Variants in TIAM1 observed in about 807,000 individuals in gnomAD.
The protein encoded by TIAM1 is TIAM Rac1 associated GEF 1, also known as rho guanine nucleotide exchange factor TIAM1.
TIAM1 carries 65 observed loss-of-function variants against 163.5 expected under a neutral mutation model. The ratio of observed to expected loss-of-function variants is 0.40; its 90% CI spans 0.33 to 0.49. TIAM1 has a LOEUF of 0.49. TIAM1 is among the 20% of genes least tolerant of loss of function. The pLI, the probability that TIAM1 is intolerant of heterozygous loss-of-function variation, is 0.77. For missense variants in TIAM1, 1,789 were observed against 2,044.7 expected, an observed-to-expected ratio of 0.87 and a Z score of 2.41; for synonymous variants, 833 against 810.1, an observed-to-expected ratio of 1.03 and a Z score of -0.48.
intron 8 of TIAM1, 96 bp from the exon 9 acceptor site, chr21:31,217,795 C>G: frequency 2.0e-6 from 3 of 1,473,188 alleles, no homozygotes; most frequent in Non-Finnish European, 2.7e-6. Flanking sequence ...TCAAAAAACC[C>G]TCCTCCATCA....
At chr21:31,482,939 A>G (rs2046162700) in intron 1 of TIAM1, among the ~76,000 whole-genome samples, 1 of 152,160 alleles carries the variant, frequency 6.6e-6, no homozygotes, top group Non-Finnish European at 1.5e-5. Flanking sequence ...AATCATGGTC[A>G]CACTGGTAAT....
chr21:31,366,123 G>C (rs1041622058), intron 2 of TIAM1, among the ~76,000 whole-genome samples: 4 of 147,490 alleles, frequency 2.7e-5, no homozygotes, highest in African/African-American at 7.5e-5. Context: ...TGACTTGAAA[G>C]GCAATCCACC....
chr21:31,127,662 C>T (rs757285276), intron 25 of TIAM1, among the ~76,000 whole-genome samples: 12 of 152,106 alleles, frequency 7.9e-5, no homozygotes, highest in Non-Finnish European at 1.5e-4. Context: ...ATGATCCACC[C>T]GCCTCGGCCT....
chr21:31,475,689 C>A (rs1297643040), intron 1 of TIAM1, among the ~76,000 whole-genome samples: 1 of 152,194 alleles, frequency 6.6e-6, no homozygotes, highest in Non-Finnish European at 1.5e-5. Flanking sequence ...CCAAGGCACA[C>A]CCATGTGGCC....
chr21:31,316,486 A>G (rs975130376), intron 2 of TIAM1, among the ~76,000 whole-genome samples: 1 of 152,220 alleles, frequency 6.6e-6, no homozygotes, highest in Admixed American at 6.5e-5. Context: ...TTGAAAGACC[A>G]TTAAAACACT....
At chr21:31,354,121 G>A (rs1208374872) in intron 2 of TIAM1, among the ~76,000 whole-genome samples, 2 of 151,924 alleles carry the variant, frequency 1.3e-5, no homozygotes, top group Non-Finnish European at 1.5e-5. Context: ...ATAGGTGTGA[G>A]CCACCATGCC....
intron 2 of TIAM1, among the ~76,000 whole-genome samples, chr21:31,387,551 C>T (rs184691394): frequency 3.4e-4 from 52 of 151,876 alleles, no homozygotes; most frequent in Non-Finnish European, 6.0e-4. Flanking sequence ...GGATGGTGTG[C>T]AGGGACACTG....
chr21:31,218,228 T>C (rs1337333363), intron 8 of TIAM1, among the ~76,000 whole-genome samples: 1 of 152,192 alleles, frequency 6.6e-6, no homozygotes, highest in African/African-American at 2.4e-5. Context: ...AGACGAGTGA[T>C]CATTGGCCCC....
intron 15 of TIAM1, among the ~76,000 whole-genome samples, chr21:31,178,303 C>CTTTTTTT (rs10671534): frequency 3.0e-4 from 29 of 96,158 alleles, no homozygotes; most frequent in East Asian, 1.1e-3. Context: ...TTCAGGAATT[C>CTTTTTTT]TTTTTTTTTT....
chr21:31,268,516 T>C (rs1054836783), intron 3 of TIAM1, among the ~76,000 whole-genome samples: 3 of 152,212 alleles, frequency 2.0e-5, no homozygotes, highest in African/African-American at 7.2e-5. Context: ...CCATTGAATG[T>C]TCCAGTGAGT....
At position 31,252,208 on chromosome 21, in the gene TIAM1, G is replaced by A; in HGVS notation, c.964-19C>T. 1 of 1,593,472 alleles carries A rather than the reference G, an allele frequency of 6.3e-7. No homozygotes were observed. The highest frequency in any genetic ancestry group is 8.5e-7 in the Non-Finnish European group (1 of 1,174,754). Reference sequence around the variant, plus strand: ...TAACATCCTTGGGAGCAGAAAGAGAGAGCAAAGAAGACAAGCGTCACGTGG... The same window carrying A: ...TAACATCCTTGGGAGCAGAAAGAGAAAGCAAAGAAGACAAGCGTCACGTGG... On this transcript the variant is annotated intron_variant, in intron 4 of 27. Coordinates refer to ENST00000541036, the MANE Select transcript of TIAM1 (RefSeq NM_001353694.2).
At chr21:31,442,066 A>AAAAAAAAAATATAT (rs1202451553) in intron 2 of TIAM1, among the ~76,000 whole-genome samples, 1 of 18,782 alleles carries the variant, frequency 5.3e-5, no homozygotes, top group African/African-American at 2.4e-4. Flanking sequence ...AGAACAAATA[A>AAAAAAAAAATATAT]ATAAATATAT....
intron 4 of TIAM1, among the ~76,000 whole-genome samples, chr21:31,259,629 AAAT>A (rs61401734): frequency 3.7e-4 from 54 of 146,254 alleles, no homozygotes; most frequent in East Asian, 1.2e-3. Context: ...TAAAAAAATA[AAAT>A]AATAATAATA....
At chr21:31,448,189 C>T (rs1297943049) in intron 2 of TIAM1, among the ~76,000 whole-genome samples, 1 of 152,182 alleles carries the variant, frequency 6.6e-6, no homozygotes. Context: ...CAAGCTGACA[C>T]ACAAAATTAA....
At chr21:31,182,326 A>T in intron 15 of TIAM1, 95 bp downstream of exon 15, 1 of 1,034,204 alleles carries the variant, frequency 9.7e-7, no homozygotes, top group Non-Finnish European at 1.3e-6. Flanking sequence ...TGCCAGACAG[A>T]GGCACTCACT....
At chr21:31,289,016 A>G (rs2073917014) in intron 2 of TIAM1, among the ~76,000 whole-genome samples, 1 of 152,234 alleles carries the variant, frequency 6.6e-6, no homozygotes, top group Non-Finnish European at 1.5e-5. Flanking sequence ...CACTGAATGC[A>G]GGCAATGATC....
intron 2 of TIAM1, among the ~76,000 whole-genome samples, chr21:31,384,354 C>T (rs1255013043): frequency 8.5e-6 from 1 of 117,488 alleles, no homozygotes. Context: ...TGCTTGCAGC[C>T]AAGAGTTCAA....
At chr21:31,162,766 C>T (rs1195916873) in intron 16 of TIAM1, among the ~76,000 whole-genome samples, 2 of 151,942 alleles carry the variant, frequency 1.3e-5, no homozygotes, top group Non-Finnish European at 2.9e-5. Flanking sequence ...CTCAGCCTCC[C>T]GAGTAGCTTG....
intron 5 of TIAM1, among the ~76,000 whole-genome samples, chr21:31,249,881 C>T (rs941481002): frequency 6.6e-6 from 1 of 152,098 alleles, no homozygotes; most frequent in Non-Finnish European, 1.5e-5. Flanking sequence ...TCTAGGAGGC[C>T]GGGCACCAAT....
Sources: allele counts gnomAD v4.1 joint callset (sites outside exome capture counted in the v4.1 genomes callset), GRCh38; gene constraint gnomAD v4.1.1; transcripts MANE v1.5; gene names NCBI Gene and HGNC (gene_info 2026-07-23, HGNC 2026-07-21).